ALMS1: variants seen among roughly 807,000 people sequenced by gnomAD.
The protein encoded by ALMS1 is ALMS1 centrosome and basal body associated protein, also known as centrosome-associated protein ALMS1.
Under a neutral mutation model 352.2 loss-of-function variants are expected in ALMS1, and 271 were observed. That is an observed-to-expected ratio of 0.77 (90% confidence interval 0.70 to 0.85). The LOEUF (loss-of-function observed/expected upper bound fraction) is 0.85. ALMS1 is among the 40% of genes least tolerant of loss of function. The pLI, the probability that ALMS1 is intolerant of heterozygous loss-of-function variation, is 0.00. For synonymous variants in ALMS1, 1,865 were observed against 1,761.2 expected (o/e 1.06, Z -1.48); for missense variants, 5,445 against 4,870.7 (o/e 1.12, Z -3.51).
chr2:73,487,579 C>A lies in ALMS1; in HGVS notation c.7675-2055C>A, dbSNP rs192848174. Among the ~76,000 whole-genome samples the A allele has an allele frequency of 2.6e-5, 4 of 152,264 alleles. No individual in the cohort carries two copies. In the East Asian group the frequency reaches 7.7e-4, roughly 29 times the overall value. On this transcript the variant is annotated intron_variant, in intron 9 of 22. Transcript: ENST00000613296. ...CACAGCTTGTCTCTTCTTCTTGTTC[C>A]CTGCAACATGGCAGGCGGGGAGGGG...
At chr2:73,601,463 T>C (rs1675686973) in intron 19 of ALMS1, 27 bp downstream of exon 19, 1 of 1,611,714 alleles carries the variant, frequency 6.2e-7, no homozygotes, top group Non-Finnish European at 8.5e-7. Flanking sequence ...TTAACTTTAA[T>C]GCTACGTGTA....
intron 6 of ALMS1, among the ~76,000 whole-genome samples, chr2:73,431,256 A>G (rs1671493678): frequency 6.6e-6 from 1 of 152,204 alleles, no homozygotes; most frequent in South Asian, 2.1e-4. Context: ...CTGTATGGGC[A>G]GTAGATGTAG....
At position 73,490,493 on chromosome 2, in the gene ALMS1, T is replaced by C. The variant is rs748453860; in HGVS notation, c.8534T>C (p.Ile2845Thr). 8 of 1,614,162 alleles carry C rather than the reference T, an allele frequency of 5.0e-6. No homozygotes were observed. In the East Asian group the frequency reaches 6.7e-5, roughly 13 times the overall value. Residue 2845 changes from isoleucine (I) to threonine (T), a missense_variant, in exon 10 of 23, where the codon ATT becomes ACT. Physicochemically the swap from Ile to Thr is moderately conservative, Grantham distance 89. Coordinates refer to ENST00000613296, the MANE Select transcript of ALMS1 (RefSeq NM_001378454.1). Reference sequence around the variant, plus strand: ...CAGATTTCTGATAACCATACCCTTATTAGCATGGGCAGACCAAGTTCCACC... The same window carrying C: ...CAGATTTCTGATAACCATACCCTTACTAGCATGGGCAGACCAAGTTCCACC... ...EIQISDNHTL[I>T]SMGRPSSTLG... is the part of the protein sequence containing the mutation.
chr2:73,489,990 C>A lies in ALMS1; in HGVS notation c.8031C>A (p.Asp2677Glu), dbSNP rs754078506. 9.9e-6 allele frequency: 16 copies of A among 1,614,090 alleles called. No individual in the cohort carries two copies. The highest frequency in any genetic ancestry group is 1.7e-5 in the Admixed American group (1 of 60,004). Residue 2677 changes from aspartate (D) to glutamate (E), a missense_variant, in exon 10 of 23, where the codon GAC (aspartate) becomes GAA (glutamate). By Grantham distance (45) the Asp-to-Glu change is conservative. Coordinates refer to ENST00000613296, the MANE Select transcript of ALMS1 (RefSeq NM_001378454.1). ...GAATGCCATTCGATGAAAAGATGGA[C>A]CCTTGGCTGTCAGAATTAGTAGAAC... ...GLRMPFDEKM[D>E]PWLSELVEPA...
intron 10 of ALMS1, among the ~76,000 whole-genome samples, chr2:73,511,481 C>T (rs963559987): frequency 6.6e-6 from 1 of 152,142 alleles, no homozygotes; most frequent in African/African-American, 2.4e-5. Context: ...CTGCTGCTCA[C>T]CCTCTGTGGG....
At chr2:73,599,669 C>A in intron 17 of ALMS1, 148 bp downstream of exon 17, 1 of 1,024,852 alleles carries the variant, frequency 9.8e-7, no homozygotes, top group Non-Finnish European at 1.4e-6. Context: ...GGCATAAATT[C>A]AAGTTTGATG....
At chr2:73,439,504 T>TA (rs1212345948) in intron 7 of ALMS1, among the ~76,000 whole-genome samples, 4 of 152,206 alleles carry the variant, frequency 2.6e-5, no homozygotes, top group Admixed American at 6.5e-5. Flanking sequence ...TTGGGTCATT[T>TA]AAAAAAAATC....
At chr2:73,555,398 A>G (rs1558692446) in intron 13 of ALMS1, among the ~76,000 whole-genome samples, 2 of 152,200 alleles carry the variant, frequency 1.3e-5, no homozygotes, top group Non-Finnish European at 2.9e-5. Flanking sequence ...GTTTGAACCA[A>G]TGAATATATA....
intron 9 of ALMS1, among the ~76,000 whole-genome samples, chr2:73,465,478 A>C (rs1043518853): frequency 1.3e-5 from 2 of 152,238 alleles, no homozygotes; most frequent in Non-Finnish European, 2.9e-5. Context: ...ACCGTATACA[A>C]AAATTAATTC....
chr2:73,584,261 G>C (rs1011384672), intron 16 of ALMS1, among the ~76,000 whole-genome samples: 8 of 152,140 alleles, frequency 5.3e-5, no homozygotes, highest in African/African-American at 1.9e-4. Flanking sequence ...CTCATTTATA[G>C]TAGTAGTATT....
intron 16 of ALMS1, among the ~76,000 whole-genome samples, chr2:73,578,265 T>C (rs1021434947): frequency 6.6e-6 from 1 of 152,166 alleles, no homozygotes; most frequent in Non-Finnish European, 1.5e-5. Context: ...TAACTCTTTG[T>C]GTCTTTGGAT....
At chr2:73,584,933 C>T (rs1675274689) in intron 16 of ALMS1, among the ~76,000 whole-genome samples, 1 of 152,178 alleles carries the variant, frequency 6.6e-6, no homozygotes, top group Non-Finnish European at 1.5e-5. Flanking sequence ...TCTCCAACTC[C>T]ACATTGCTGC....
intron 1 of ALMS1, among the ~76,000 whole-genome samples, chr2:73,402,971 C>T (rs956273075): frequency 2.0e-5 from 3 of 152,122 alleles, no homozygotes; most frequent in Non-Finnish European, 2.9e-5. Flanking sequence ...GATATTTTCT[C>T]ATCTGTAGTA....
At chr2:73,556,500 A>G (rs2104054484) in intron 13 of ALMS1, among the ~76,000 whole-genome samples, 1 of 152,302 alleles carries the variant, frequency 6.6e-6, no homozygotes, top group South Asian at 2.1e-4. Context: ...AATCTAGATG[A>G]TAAAAGTGCT....
Position 73,450,393 on chromosome 2 carries a change from A to C in ALMS1, c.3866A>C (p.Tyr1289Ser), listed in dbSNP as rs778866411. The C allele has an allele frequency of 3.1e-6, 5 of 1,613,190 alleles. No individual in the cohort carries two copies. Among genetic ancestry groups the C allele is most frequent in the Non-Finnish European group, 4.2e-6 (5 of 1,179,782 alleles). Reference sequence around the variant, plus strand: ...GTAACCTCTACTTCCTACTCACAATATAGAGAGAAGCCCAGCATTTTCTAC... The same window carrying C: ...GTAACCTCTACTTCCTACTCACAATCTAGAGAGAAGCCCAGCATTTTCTAC... ...PAVTSTSYSQ[Y>S]REKPSIFYQQ... is the part of the protein sequence containing the mutation. Residue 1289 changes from tyrosine to serine, a missense_variant, in exon 8 of 23, where the codon TAT becomes TCT. Physicochemically the swap from Tyr to Ser is moderately radical, Grantham distance 144. Transcript: ENST00000613296.
intron 9 of ALMS1, among the ~76,000 whole-genome samples, chr2:73,478,626 G>A (rs538464782): frequency 6.4e-5 from 2 of 31,200 alleles, no homozygotes; most frequent in Non-Finnish European, 1.1e-4. Context: ...AGCTAATGAC[G>A]AATATTTTTA....
chr2:73,481,158 A>ATG (rs1672694757), intron 9 of ALMS1, among the ~76,000 whole-genome samples: 1 of 152,186 alleles, frequency 6.6e-6, no homozygotes, highest in Admixed American at 6.5e-5. Context: ...GCCCACACCT[A>ATG]TGTCCTGAAT....
chr2:73,538,505 T>A (rs1355829198), intron 12 of ALMS1, among the ~76,000 whole-genome samples: 6 of 152,050 alleles, frequency 3.9e-5, no homozygotes, highest in African/African-American at 1.4e-4. Context: ...AGGTACTGGG[T>A]TCATCTCACT....
At chr2:73,463,296 C>G (rs562119771) in intron 9 of ALMS1, among the ~76,000 whole-genome samples, 2 of 152,328 alleles carry the variant, frequency 1.3e-5, no homozygotes, top group African/African-American at 4.8e-5. Context: ...GATTCAGAAT[C>G]TCACTCAAAA....
Sources: gnomAD v4.1 joint callset for allele counts (sites outside exome capture counted in the v4.1 genomes callset) on GRCh38, gnomAD v4.1.1 for gene constraint, MANE v1.5 for transcripts, NCBI Gene and HGNC (gene_info 2026-07-23, HGNC 2026-07-21) for gene names.